Variants in ATG10 observed in about 807,000 individuals in gnomAD.
ATG10 encodes autophagy related 10.
ATG10 carries 30 observed loss-of-function variants against 32.1 expected under a neutral mutation model. The observed-to-expected ratio is 0.94, with a 90% CI of 0.70 to 1.27. The LOEUF (loss-of-function observed/expected upper bound fraction) is 1.27, where lower values mean the gene tolerates loss of function less well. ATG10 is among the 50% of genes most tolerant of loss of function. The pLI is 0.00. For missense variants in ATG10, 233 were observed against 262.3 expected (o/e 0.89, Z 0.77); for synonymous variants, 87 against 91.5 (o/e 0.95, Z 0.28).
At chr5:81,977,994 T>A (rs1760916357) in intron 1 of ATG10, among the ~76,000 whole-genome samples, 1 of 152,192 alleles carries the variant, frequency 6.6e-6, no homozygotes, top group African/African-American at 2.4e-5. Context: ...AATATGGCAC[T>A]TGGTAGTATA....
intron 2 of ATG10, among the ~76,000 whole-genome samples, chr5:82,047,137 C>G (rs1267312842): frequency 6.6e-6 from 1 of 152,102 alleles, no homozygotes; most frequent in Non-Finnish European, 1.5e-5. Flanking sequence ...CTTTCGATAG[C>G]AGGCCCCCCA....
At chr5:81,975,961 T>A (rs1028395561) in intron 1 of ATG10, among the ~76,000 whole-genome samples, 2 of 151,674 alleles carry the variant, frequency 1.3e-5, no homozygotes, top group Non-Finnish European at 2.9e-5. Flanking sequence ...ACTGAAAATA[T>A]ACTGTGAATG....
intron 5 of ATG10, among the ~76,000 whole-genome samples, chr5:82,248,603 A>G (rs774787341): frequency 1.6e-4 from 24 of 152,184 alleles, no homozygotes; most frequent in Non-Finnish European, 3.1e-4. Flanking sequence ...GGACCCAAAA[A>G]TGGTTAGTTT....
intron 2 of ATG10, among the ~76,000 whole-genome samples, chr5:82,031,347 A>G (rs930487077): frequency 6.6e-6 from 1 of 152,246 alleles, no homozygotes; most frequent in African/African-American, 2.4e-5. Context: ...TTATAAAAAA[A>G]AATGTGTTGC....
At chr5:82,114,649 AG>A (rs1765731388) in intron 3 of ATG10, among the ~76,000 whole-genome samples, 1 of 152,044 alleles carries the variant, frequency 6.6e-6, no homozygotes. Flanking sequence ...TCCCTTCTTG[AG>A]GAACCAAGTC....
chr5:82,229,018 C>T (rs1236733392), intron 5 of ATG10, among the ~76,000 whole-genome samples: 1 of 152,168 alleles, frequency 6.6e-6, no homozygotes, highest in Non-Finnish European at 1.5e-5. Flanking sequence ...ACTGAAATAT[C>T]TTCAGTGTTT....
intron 3 of ATG10, among the ~76,000 whole-genome samples, chr5:82,157,250 A>G (rs894293630): frequency 1.3e-5 from 2 of 152,216 alleles, no homozygotes; most frequent in Non-Finnish European, 2.9e-5. Context: ...CCTTTTAAAA[A>G]AAAATCAGTA....
chr5:82,004,808 CT>C, intron 2 of ATG10, among the ~76,000 whole-genome samples: 1 of 152,240 alleles, frequency 6.6e-6, no homozygotes, highest in East Asian at 1.9e-4. Flanking sequence ...GCTCACTTTC[CT>C]TTTCTGTATT....
At chr5:82,218,052 T>TACACACACACACACACACAC (rs60254193) in intron 5 of ATG10, among the ~76,000 whole-genome samples, 56 of 145,292 alleles carry the variant, frequency 3.9e-4, no homozygotes, top group Non-Finnish European at 5.7e-4. Flanking sequence ...GTTCTCTCTT[T>TACACACACACACACACACAC]ACACACACAC....
intron 5 of ATG10, among the ~76,000 whole-genome samples, chr5:82,249,868 C>T (rs1205958896): frequency 6.6e-6 from 1 of 152,100 alleles, no homozygotes. Context: ...AAATGGTCCC[C>T]TGAACTGTAA....
At chr5:82,031,033 A>G (rs1762728988) in intron 2 of ATG10, among the ~76,000 whole-genome samples, 1 of 152,182 alleles carries the variant, frequency 6.6e-6, no homozygotes, top group Non-Finnish European at 1.5e-5. Flanking sequence ...TTGATAAACA[A>G]CATTCCTTTG....
intron 3 of ATG10, among the ~76,000 whole-genome samples, chr5:82,064,075 A>C (rs1188596952): frequency 1.3e-5 from 2 of 152,202 alleles, no homozygotes; most frequent in Non-Finnish European, 2.9e-5. Flanking sequence ...AAATTATCAA[A>C]TTTAGCTGTA....
chr5:82,158,395 C>T (rs1355352798), intron 3 of ATG10, among the ~76,000 whole-genome samples: 1 of 142,834 alleles, frequency 7.0e-6, no homozygotes, highest in Non-Finnish European at 1.5e-5. Flanking sequence ...TGGATTTAGA[C>T]AACCAGGATC....
intron 3 of ATG10, among the ~76,000 whole-genome samples, chr5:82,093,933 A>T (rs1224719703): frequency 6.6e-6 from 1 of 152,106 alleles, no homozygotes; most frequent in African/African-American, 2.4e-5. Context: ...ACTGGTGAGA[A>T]CCCAAATGAT....
At chr5:82,220,702 T>TC (rs954567304) in intron 5 of ATG10, among the ~76,000 whole-genome samples, 1 of 151,366 alleles carries the variant, frequency 6.6e-6, no homozygotes, top group Admixed American at 6.6e-5. Flanking sequence ...TGATCTTGGC[T>TC]CTCTGCAAGC....
At chr5:81,997,525 A>G (rs370094943) in intron 2 of ATG10, among the ~76,000 whole-genome samples, 3 of 152,362 alleles carry the variant, frequency 2.0e-5, no homozygotes, top group South Asian at 4.1e-4. Flanking sequence ...TTCCCCAGCA[A>G]TGGTTCTTAA....
intron 5 of ATG10, among the ~76,000 whole-genome samples, chr5:82,215,750 A>T (rs1745650072): frequency 1.3e-5 from 2 of 152,114 alleles, no homozygotes; most frequent in Non-Finnish European, 2.9e-5. Context: ...AGCCTGGCCA[A>T]CATGGTGAAA....
chr5:82,204,117 A>G (rs1024599706), intron 5 of ATG10, among the ~76,000 whole-genome samples: 3 of 152,234 alleles, frequency 2.0e-5, no homozygotes, highest in African/African-American at 7.2e-5. Flanking sequence ...GGTAAAAGTG[A>G]CAATTTTAAA....
At chr5:81,982,490 G>A (rs1761079775) in intron 1 of ATG10, among the ~76,000 whole-genome samples, 1 of 150,552 alleles carries the variant, frequency 6.6e-6, no homozygotes, top group African/African-American at 2.4e-5. Context: ...TTTATGACAT[G>A]AGGAGCGCTG....
Sources: allele counts gnomAD v4.1 joint callset (sites outside exome capture counted in the v4.1 genomes callset), GRCh38; gene constraint gnomAD v4.1.1; transcripts MANE v1.5; gene names NCBI Gene and HGNC (gene_info 2026-07-23, HGNC 2026-07-21).